The following MGMT variants were observed in gnomAD, a reference collection of about 807,000 sequenced individuals.
MGMT encodes the protein methylated-DNA--protein-cysteine methyltransferase.
A neutral mutation model predicts 15.9 loss-of-function variants in MGMT; 14 were observed. The observed-to-expected ratio is 0.88, with a 90% CI of 0.58 to 1.37. The LOEUF (loss-of-function observed/expected upper bound fraction) is 1.37, where lower values mean the gene tolerates loss of function less well. Ranked by LOEUF, MGMT falls within the 40% of genes most tolerant of loss-of-function variation. The probability of loss-of-function intolerance (pLI) is 0.00; values close to 1 mark genes in which losing one functional copy is unlikely to be tolerated. For synonymous variants in MGMT, 130 were observed against 118.2 expected (o/e 1.10, Z -0.65); for missense variants, 282 against 268.1 (o/e 1.05, Z -0.36).
chr10:129,523,378 T>G (rs1845834066), intron 1 of MGMT, among the ~76,000 whole-genome samples: 1 of 150,632 alleles, frequency 6.6e-6, no homozygotes, highest in Admixed American at 6.7e-5. Context: ...AGGGAAAACA[T>G]GGTGTTCTCT....
chr10:129,525,473 G>A (rs1214665433), intron 1 of MGMT, among the ~76,000 whole-genome samples: 1 of 152,176 alleles, frequency 6.6e-6, no homozygotes, highest in Non-Finnish European at 1.5e-5. Flanking sequence ...CGATGACTAT[G>A]CTGAGCCCTT....
intron 1 of MGMT, among the ~76,000 whole-genome samples, chr10:129,483,867 G>T (rs1242365316): frequency 6.6e-6 from 1 of 151,988 alleles, no homozygotes; most frequent in African/African-American, 2.4e-5. Context: ...TGCATAGATA[G>T]ATAGGTAGAT....
chr10:129,638,854 C>G (rs76187658), intron 2 of MGMT, among the ~76,000 whole-genome samples: 3 of 152,054 alleles, frequency 2.0e-5, no homozygotes, highest in Admixed American at 2.0e-4. Flanking sequence ...TAAGGACTTT[C>G]AAACTTTGAG....
intron 3 of MGMT, among the ~76,000 whole-genome samples, chr10:129,757,170 T>C (rs1006227926): frequency 6.6e-6 from 1 of 152,218 alleles, no homozygotes; most frequent in African/African-American, 2.4e-5. Context: ...AAGAAATGGT[T>C]TCCCATGAGA....
At chr10:129,625,488 A>C (rs1221084074) in intron 2 of MGMT, among the ~76,000 whole-genome samples, 1 of 152,244 alleles carries the variant, frequency 6.6e-6, no homozygotes, top group African/African-American at 2.4e-5. Flanking sequence ...TTAGAATGTC[A>C]ATTTTACAAT....
At chr10:129,572,338 A>G (rs1281148351) in intron 2 of MGMT, among the ~76,000 whole-genome samples, 1 of 152,254 alleles carries the variant, frequency 6.6e-6, no homozygotes, top group Non-Finnish European at 1.5e-5. Context: ...TCTTAGATTA[A>G]CACTGAATAC....
intron 3 of MGMT, among the ~76,000 whole-genome samples, chr10:129,739,620 A>C (rs1003462602): frequency 6.6e-6 from 1 of 151,884 alleles, no homozygotes; most frequent in Admixed American, 6.5e-5. Context: ...GAACCAGGTC[A>C]GAACTCCCCT....
chr10:129,515,055 T>C (rs76741237), intron 1 of MGMT, among the ~76,000 whole-genome samples: 4,798 of 152,014 alleles, frequency 0.032, 117 homozygotes, highest in South Asian at 0.066. Flanking sequence ...AGAGAAAGGG[T>C]TGGGGTCTGC....
intron 2 of MGMT, among the ~76,000 whole-genome samples, chr10:129,607,311 G>A (rs1846903734): frequency 6.6e-6 from 1 of 152,076 alleles, no homozygotes; most frequent in Non-Finnish European, 1.5e-5. Context: ...TTGGAAGATG[G>A]ATTGTCGGAT....
At chr10:129,687,845 CCA>C (rs1554877630) in intron 2 of MGMT, among the ~76,000 whole-genome samples, 2 of 152,006 alleles carry the variant, frequency 1.3e-5, no homozygotes, top group Admixed American at 6.5e-5. Context: ...TATCCCTCCC[CCA>C]GCCCCCCACC....
intron 2 of MGMT, among the ~76,000 whole-genome samples, chr10:129,668,899 T>G (rs1847689626): frequency 6.6e-6 from 1 of 152,198 alleles, no homozygotes; most frequent in Non-Finnish European, 1.5e-5. Flanking sequence ...AAACATATTA[T>G]AGTCCTCCAT....
chr10:129,687,846 CA>C (rs1481850881), intron 2 of MGMT, among the ~76,000 whole-genome samples: 6 of 151,972 alleles, frequency 3.9e-5, no homozygotes, highest in South Asian at 2.1e-4. Context: ...ATCCCTCCCC[CA>C]GCCCCCCACC....
At chr10:129,590,292 T>C (rs1846667659) in intron 2 of MGMT, among the ~76,000 whole-genome samples, 2 of 152,228 alleles carry the variant, frequency 1.3e-5, no homozygotes, top group South Asian at 4.1e-4. Flanking sequence ...TTCAGTTGCT[T>C]TGAGCACATT....
chr10:129,600,308 A>C (rs1314124373), intron 2 of MGMT, among the ~76,000 whole-genome samples: 1 of 152,166 alleles, frequency 6.6e-6, no homozygotes, highest in Non-Finnish European at 1.5e-5. Context: ...AACCCACCTG[A>C]ATTTCCTTTG....
At chr10:129,763,627 GT>G (rs1339458531) in intron 4 of MGMT, among the ~76,000 whole-genome samples, 1 of 152,178 alleles carries the variant, frequency 6.6e-6, no homozygotes, top group African/African-American at 2.4e-5. Context: ...CTGCTATTAG[GT>G]AGGAAAATTG....
At chr10:129,687,795 C>G (rs1241688252) in intron 2 of MGMT, among the ~76,000 whole-genome samples, 1 of 151,772 alleles carries the variant, frequency 6.6e-6, no homozygotes, top group East Asian at 1.9e-4. Context: ...TGTGCTGCAC[C>G]CATTAACTCA....
chr10:129,489,790 G>A (rs1051037429), intron 1 of MGMT, among the ~76,000 whole-genome samples: 1 of 152,094 alleles, frequency 6.6e-6, no homozygotes, highest in Non-Finnish European at 1.5e-5. Context: ...ATGCGGAAAT[G>A]CTATTAATTT....
chr10:129,476,493 G>A (rs1192134849), intron 1 of MGMT, among the ~76,000 whole-genome samples: 1 of 152,190 alleles, frequency 6.6e-6, no homozygotes, highest in Admixed American at 6.5e-5. Context: ...AAGCAGCTCC[G>A]TGGTCTCCAG....
intron 2 of MGMT, among the ~76,000 whole-genome samples, chr10:129,607,375 G>C (rs1385626334): frequency 2.6e-5 from 4 of 152,130 alleles, no homozygotes; most frequent in African/African-American, 9.7e-5. Context: ...CATTGAAGAA[G>C]TATGTTCCTG....
Sources: allele counts gnomAD v4.1 joint callset (sites outside exome capture counted in the v4.1 genomes callset), GRCh38; gene constraint gnomAD v4.1.1; transcripts MANE v1.5; gene names NCBI Gene and HGNC (gene_info 2026-07-23, HGNC 2026-07-21).